The following NRXN3 variants were observed in gnomAD, a reference collection of about 807,000 sequenced individuals.
NRXN3 encodes neurexin III.
In NRXN3, 32 loss-of-function variants were observed where a neutral mutation model predicts 137.6. The observed-to-expected ratio is 0.23, with a 90% CI of 0.18 to 0.31. The LOEUF (loss-of-function observed/expected upper bound fraction) is 0.31, where lower values mean the gene tolerates loss of function less well. Among genes scored for constraint, NRXN3 ranks in the 10% least tolerant of loss-of-function variants. The pLI, the probability that NRXN3 is intolerant of heterozygous loss-of-function variation, is 1.00. For synonymous variants in NRXN3, 798 were observed against 784.5 expected (o/e 1.02, Z -0.29); for missense variants, 1,574 against 2,062.5 (o/e 0.76, Z 4.59).
chr14:78,346,463 T>C (rs965738011), intron 4 of NRXN3, among the ~76,000 whole-genome samples: 8 of 152,164 alleles, frequency 5.3e-5, no homozygotes, highest in Non-Finnish European at 1.0e-4. Flanking sequence ...GTCAGCTTCA[T>C]TGACTCCTTG....
intron 4 of NRXN3, among the ~76,000 whole-genome samples, chr14:78,408,464 G>T (rs1346241917): frequency 2.0e-5 from 3 of 152,214 alleles, no homozygotes; most frequent in Non-Finnish European, 2.9e-5. Flanking sequence ...ACATGAAAAT[G>T]CTTGCTTTCT....
chr14:78,959,145 G>A (rs962476287), intron 11 of NRXN3, among the ~76,000 whole-genome samples: 1 of 152,148 alleles, frequency 6.6e-6, no homozygotes, highest in East Asian at 1.9e-4. Flanking sequence ...GTACGTGCAT[G>A]TACAGGTGTG....
Position 79,794,192 on chromosome 14 carries a change from G to A in NRXN3, c.4015-10920G>A, listed in dbSNP as rs147520680. ...AGCCTAGCCAACATGGTGAAACCCC[G>A]TCTCTACAAAAAATACAAAAAATTA... is the stretch of plus-strand genomic sequence containing the variant. On this transcript the variant is annotated intron_variant, in intron 19 of 20. Coordinates refer to ENST00000335750, the MANE Select transcript of NRXN3 (RefSeq NM_001330195.2). Among the ~76,000 whole-genome samples the A allele has an allele frequency of 1.1e-3, 165 of 152,038 alleles. 2 individuals are homozygous for A. The highest frequency in any genetic ancestry group is 1.7e-3 in the African/African-American group (72 of 41,482).
At chr14:78,988,523 C>T (rs566764836) in intron 15 of NRXN3, among the ~76,000 whole-genome samples, 7 of 152,198 alleles carry the variant, frequency 4.6e-5, no homozygotes, top group East Asian at 1.9e-4. Context: ...GAGACTCTCC[C>T]CTTTTGCATT....
chr14:79,379,099 T>C (rs1225937726), intron 15 of NRXN3, among the ~76,000 whole-genome samples: 1 of 152,212 alleles, frequency 6.6e-6, no homozygotes, highest in African/African-American at 2.4e-5. Context: ...TCTTTAAAAA[T>C]GTACCTCTTT....
intron 8 of NRXN3, among the ~76,000 whole-genome samples, chr14:78,799,051 A>G (rs2153071733): frequency 6.6e-6 from 1 of 152,302 alleles, no homozygotes; most frequent in African/African-American, 2.4e-5. Flanking sequence ...TATTTGCCTC[A>G]TTGTCTTGGC....
chr14:79,364,267 T>G (rs1241946254), intron 15 of NRXN3, among the ~76,000 whole-genome samples: 1 of 152,256 alleles, frequency 6.6e-6, no homozygotes, highest in Admixed American at 6.5e-5. Context: ...ATGGTTCTAA[T>G]GACCCCATTG....
At chr14:78,506,051 A>G (rs987305138) in intron 4 of NRXN3, among the ~76,000 whole-genome samples, 4 of 152,136 alleles carry the variant, frequency 2.6e-5, no homozygotes, top group Admixed American at 2.6e-4. Context: ...ATTATTAACT[A>G]TGGGCACAAT....
At chr14:79,705,207 C>T (rs540976821) in intron 19 of NRXN3, among the ~76,000 whole-genome samples, 52 of 152,094 alleles carry the variant, frequency 3.4e-4, no homozygotes, top group Non-Finnish European at 6.8e-4. Flanking sequence ...TGGCTACCCA[C>T]GGGTGGAGGT....
intron 20 of NRXN3, among the ~76,000 whole-genome samples, chr14:79,810,100 G>A (rs974864935): frequency 6.6e-6 from 1 of 152,006 alleles, no homozygotes; most frequent in Non-Finnish European, 1.5e-5. Flanking sequence ...TCTTGGATGA[G>A]CTTTTGTATA....
intron 15 of NRXN3, among the ~76,000 whole-genome samples, chr14:79,370,045 G>T (rs2094038415): frequency 6.6e-6 from 1 of 152,136 alleles, no homozygotes; most frequent in African/African-American, 2.4e-5. Context: ...TACCTAACTT[G>T]GTATTAATCA....
intron 15 of NRXN3, among the ~76,000 whole-genome samples, chr14:79,180,873 C>T (rs1160569649): frequency 3.3e-5 from 5 of 152,056 alleles, no homozygotes; most frequent in Non-Finnish European, 1.5e-5. Flanking sequence ...CATATACAAT[C>T]TATAGTGCTA....
intron 15 of NRXN3, among the ~76,000 whole-genome samples, chr14:78,992,296 C>T: frequency 6.6e-6 from 1 of 152,158 alleles, no homozygotes; most frequent in East Asian, 1.9e-4. Flanking sequence ...AGATAATCTT[C>T]AGTTCTCGTG....
intron 15 of NRXN3, among the ~76,000 whole-genome samples, chr14:79,263,264 A>G (rs1270386725): frequency 6.6e-6 from 1 of 152,200 alleles, no homozygotes. Context: ...CTAGGCAAAT[A>G]TTGGCATATT....
At chr14:79,049,098 T>TAATAATTAATAATAATAC (rs1272827423) in intron 15 of NRXN3, among the ~76,000 whole-genome samples, 1,182 of 102,256 alleles carry the variant, frequency 0.012, 117 homozygotes, top group Middle Eastern at 0.033. Flanking sequence ...AATAATAATA[T>TAATAATTAATAATAATAC]GATGGGGTGT....
intron 16 of NRXN3, among the ~76,000 whole-genome samples, chr14:79,576,871 G>A (rs1436427328): frequency 6.6e-6 from 1 of 152,148 alleles, no homozygotes; most frequent in African/African-American, 2.4e-5. Flanking sequence ...AAATCTAGCA[G>A]TAAGGATGGT....
intron 4 of NRXN3, among the ~76,000 whole-genome samples, chr14:78,644,134 AG>A (rs2097663062): frequency 6.9e-6 from 1 of 144,826 alleles, no homozygotes; most frequent in Non-Finnish European, 1.5e-5. Context: ...AGCAAGACTC[AG>A]AAAAAAAAAA....
At chr14:78,409,459 G>A (rs1002438553) in intron 4 of NRXN3, among the ~76,000 whole-genome samples, 5 of 152,240 alleles carry the variant, frequency 3.3e-5, no homozygotes, top group Non-Finnish European at 7.3e-5. Context: ...GACCACTGAT[G>A]TGGACTCATC....
intron 16 of NRXN3, among the ~76,000 whole-genome samples, chr14:79,547,661 G>C (rs1054473874): frequency 1.3e-5 from 2 of 152,182 alleles, no homozygotes; most frequent in African/African-American, 4.8e-5. Context: ...GGTTCATAGA[G>C]TAGAAGACAG....
Sources: gnomAD v4.1 joint callset for allele counts (sites outside exome capture counted in the v4.1 genomes callset) on GRCh38, gnomAD v4.1.1 for gene constraint, MANE v1.5 for transcripts, NCBI Gene and HGNC (gene_info 2026-07-23, HGNC 2026-07-21) for gene names.